The following BBX variants were observed in gnomAD, a reference collection of about 807,000 sequenced individuals.
BBX encodes the protein BBX high mobility group box domain containing, also known as HMG box transcription factor BBX.
BBX carries 30 observed loss-of-function variants against 100.2 expected under a neutral mutation model. That is an observed-to-expected ratio of 0.30 (90% CI 0.22 to 0.41). BBX has a LOEUF of 0.41. Ranked by LOEUF, BBX falls within the 10% of genes least tolerant of loss-of-function variation. BBX has a pLI of 1.00. For synonymous variants in BBX, 376 were observed against 388.1 expected, an observed-to-expected ratio of 0.97 and a Z score of 0.37; for missense variants, 1,023 against 1,129.8, an observed-to-expected ratio of 0.91 and a Z score of 1.35.
rs568481035 is a variant in BBX, at chr3:107,696,200, A to G, written c.-9-14252A>G. 4.7e-4 allele frequency among the ~76,000 whole-genome samples: 72 copies of G among 151,904 alleles called. 1 individual carries two copies. In the East Asian group the frequency reaches 0.013, roughly 27 times the overall value. On this transcript the variant is annotated intron_variant, in intron 3 of 17. Coordinates refer to ENST00000325805, the MANE Select transcript of BBX (RefSeq NM_001142568.3). Reference sequence around the variant, plus strand: ...TGGAGCATTTAGTCCATTTACATTTAAAGTTAATATTGTTATGTGTGAATT... The same window carrying G: ...TGGAGCATTTAGTCCATTTACATTTGAAGTTAATATTGTTATGTGTGAATT...
chr3:107,548,670 C>A lies in BBX; in HGVS notation c.-84+22272C>A, dbSNP rs534901071. ...CACAAAGAAAAGTAATTTGTTTTGT[C>A]AAAAAGACACATGGGCTGTTATGTT... On this transcript the variant is annotated intron_variant, in intron 2 of 17. Transcript: ENST00000325805. Among the ~76,000 whole-genome samples, 95 of 152,192 alleles carry A rather than the reference C, an allele frequency of 6.2e-4. 1 individual carries two copies. Among genetic ancestry groups the A allele is most frequent in the African/African-American group, 2.3e-3 (95 of 41,524 alleles).
At chr3:107,552,871 C>T (rs954568828) in intron 2 of BBX, among the ~76,000 whole-genome samples, 4 of 152,190 alleles carry the variant, frequency 2.6e-5, no homozygotes, top group Admixed American at 1.3e-4. Flanking sequence ...TACGCAATCT[C>T]TAAGGACATT....
intron 7 of BBX, among the ~76,000 whole-genome samples, chr3:107,737,884 G>GTTT (rs1156396951): frequency 0.069 from 3,348 of 48,512 alleles, 532 homozygotes; most frequent in East Asian, 0.13. Context: ...CAGAGTTCCA[G>GTTT]TTTTTTTTTT....
At chr3:107,752,843 A>AAC (rs1397298964) in intron 9 of BBX, among the ~76,000 whole-genome samples, 2 of 152,196 alleles carry the variant, frequency 1.3e-5, no homozygotes, top group Non-Finnish European at 2.9e-5. Context: ...CAACCTAGCA[A>AAC]ACACACACTT....
intron 2 of BBX, among the ~76,000 whole-genome samples, chr3:107,610,400 A>G (rs1183710814): frequency 2.6e-5 from 4 of 151,964 alleles, no homozygotes; most frequent in East Asian, 1.9e-4. Flanking sequence ...ATTAAATCCA[A>G]TGTTTCTTTG....
intron 12 of BBX, among the ~76,000 whole-genome samples, chr3:107,775,172 A>G (rs371502901): frequency 2.6e-5 from 4 of 152,300 alleles, no homozygotes; most frequent in African/African-American, 9.6e-5. Context: ...CTTAGAATGG[A>G]TAGTATTAGC....
At chr3:107,618,040 A>G (rs1201351835) in intron 2 of BBX, among the ~76,000 whole-genome samples, 1 of 151,956 alleles carries the variant, frequency 6.6e-6, no homozygotes, top group East Asian at 1.9e-4. Context: ...ACCAAGTTAA[A>G]GTTTCCTTTG....
chr3:107,676,054 C>T (rs974446759), intron 3 of BBX, among the ~76,000 whole-genome samples: 5 of 151,926 alleles, frequency 3.3e-5, no homozygotes, highest in Non-Finnish European at 7.4e-5. Flanking sequence ...GGAATGCCCT[C>T]CAAATAAATT....
intron 3 of BBX, among the ~76,000 whole-genome samples, chr3:107,652,145 T>G (rs1343332019): frequency 6.6e-6 from 1 of 152,196 alleles, no homozygotes; most frequent in African/African-American, 2.4e-5. Flanking sequence ...TAGTGCTGAG[T>G]AAATAGTGCA....
intron 2 of BBX, among the ~76,000 whole-genome samples, chr3:107,639,432 C>T (rs1234549045): frequency 6.6e-6 from 1 of 152,164 alleles, no homozygotes; most frequent in Non-Finnish European, 1.5e-5. Flanking sequence ...TGTTTATTTT[C>T]CAGCTTAGTT....
chr3:107,772,978 T>C lies in BBX; in HGVS notation c.1257T>C (p.Ile419=), dbSNP rs938314718. 3 of 1,613,616 alleles carry C rather than the reference T, an allele frequency of 1.9e-6. No individual in the cohort carries two copies. Among genetic ancestry groups the C allele is most frequent in the South Asian group, 1.1e-5 (1 of 90,918 alleles). ...ATTCTGCCAGTAGCAAGATAATAAT[T>C]AGTGATGTTCCCAGTAGAAAGGATC... is the stretch of plus-strand genomic sequence containing the variant. ...FSYSASSKII[I]SDVPSRKDHM... Residue 419 remains isoleucine (I), a synonymous_variant, in exon 11 of 18, where the codon ATT becomes ATC. Coordinates refer to ENST00000325805, the MANE Select transcript of BBX (RefSeq NM_001142568.3).
At chr3:107,537,171 T>A (rs149614484) in intron 2 of BBX, among the ~76,000 whole-genome samples, 1 of 152,248 alleles carries the variant, frequency 6.6e-6, no homozygotes, top group Admixed American at 6.5e-5. Flanking sequence ...TTTAAACATA[T>A]TAAAATTATA....
intron 3 of BBX, among the ~76,000 whole-genome samples, chr3:107,647,950 A>G (rs1373376080): frequency 6.6e-6 from 1 of 152,180 alleles, no homozygotes; most frequent in African/African-American, 2.4e-5. Context: ...GAAGTGGCAC[A>G]TGTCATTAAC....
chr3:107,748,597 G>A (rs1412162444), intron 9 of BBX, among the ~76,000 whole-genome samples: 1 of 152,142 alleles, frequency 6.6e-6, no homozygotes, highest in African/African-American at 2.4e-5. Flanking sequence ...ACACACCAGA[G>A]GGTAATTTTT....
At chr3:107,774,226 A>G (rs1377793174) in intron 11 of BBX, among the ~76,000 whole-genome samples, 1 of 152,352 alleles carries the variant, frequency 6.6e-6, no homozygotes, top group African/African-American at 2.4e-5. Flanking sequence ...AGTGTTTTAT[A>G]TAAATTCTCT....
At chr3:107,632,913 G>C (rs2056633874) in intron 2 of BBX, among the ~76,000 whole-genome samples, 1 of 152,144 alleles carries the variant, frequency 6.6e-6, no homozygotes, top group South Asian at 2.1e-4. Context: ...TTTACAATTA[G>C]TAGTCTGTTC....
chr3:107,523,105 G>A lies in BBX; in HGVS notation c.-158G>A, dbSNP rs983654521. The A allele has an allele frequency of 6.4e-6, 1 of 157,338 alleles. No homozygotes were observed. Among genetic ancestry groups the A allele is most frequent in the African/African-American group, 2.4e-5 (1 of 41,464 alleles). The allele number at this position is 157,338 out of a possible 1,614,324, so 9.7% of individuals were successfully genotyped here. ...ACGCCCTCACGCCCGGCGAGCCCGC[G>A]AGGTAGGCGCCCCCCATCCCCAGCC... On this transcript the variant is annotated splice_region_variant and 5_prime_UTR_variant, in exon 1 of 18. Coordinates refer to ENST00000325805, the MANE Select transcript of BBX (RefSeq NM_001142568.3).
chr3:107,597,370 A>G (rs544651699), intron 2 of BBX, among the ~76,000 whole-genome samples: 2 of 152,302 alleles, frequency 1.3e-5, no homozygotes, highest in Admixed American at 1.3e-4. Flanking sequence ...GTATCATTAG[A>G]GTGATGATTA....
At chr3:107,698,042 G>A (rs571466906) in intron 3 of BBX, among the ~76,000 whole-genome samples, 23 of 151,918 alleles carry the variant, frequency 1.5e-4, no homozygotes, top group Admixed American at 7.2e-4. Context: ...GCAATGCCTC[G>A]CCCTGCTTTG....
Sources: gnomAD v4.1 joint callset for allele counts (sites outside exome capture counted in the v4.1 genomes callset) on GRCh38, gnomAD v4.1.1 for gene constraint, MANE v1.5 for transcripts, NCBI Gene and HGNC (gene_info 2026-07-23, HGNC 2026-07-21) for gene names.